KCNG1: variants seen among roughly 807,000 people sequenced by gnomAD.
The protein encoded by KCNG1 is voltage-gated potassium channel regulatory subunit KCNG1.
KCNG1 carries 17 observed loss-of-function variants against 32.4 expected under a neutral mutation model. The observed-to-expected ratio is 0.52, with a 90% CI of 0.36 to 0.79. KCNG1 has a LOEUF of 0.79. Among genes scored for constraint, KCNG1 ranks in the 30% least tolerant of loss-of-function variants. The pLI, the probability that KCNG1 is intolerant of heterozygous loss-of-function variation, is 0.00. For synonymous variants in KCNG1, 358 were observed against 339.9 expected, an observed-to-expected ratio of 1.05 and a Z score of -0.59; for missense variants, 441 against 735.2, an observed-to-expected ratio of 0.60 and a Z score of 4.63.
In KCNG1 at chr20:51,010,225, C is replaced by A; in HGVS notation, c.114G>T (p.Ala38=). Residue 38 remains alanine, a synonymous_variant, in exon 2 of 3, where the codon GCG becomes GCT. Transcript: ENST00000371571. ...FLPQRQAIKG[A]FYRRAQRLRP... ...GCAGCCGCTGCGCCCGGCGGTAGAA[C>A]GCGCCCTTGATGGCCTGGCGCTGCG... 1 of 1,568,690 alleles carries A rather than the reference C, an allele frequency of 6.4e-7. No individual in the cohort carries two copies. Among genetic ancestry groups the A allele is most frequent in the Non-Finnish European group, 8.6e-7 (1 of 1,162,196 alleles).
At chr20:51,006,660 G>T in intron 2 of KCNG1, 1 of 152,320 alleles carries the variant, frequency 6.6e-6, no homozygotes. Flanking sequence ...AGCCTCCCGA[G>T]TAGCTGGGAT....
chr20:51,020,044 AG>A (rs1222561729), intron 1 of KCNG1, among the ~76,000 whole-genome samples: 2 of 151,996 alleles, frequency 1.3e-5, no homozygotes. Context: ...GTTCCTGGGG[AG>A]ATTGTGTGCT....
At position 51,009,725 on chromosome 20, in the gene KCNG1, C is replaced by T. The variant is rs368678625; in HGVS notation, c.614G>A (p.Arg205His). Residue 205 changes from arginine (R) to histidine (H), a missense_variant, in exon 2 of 3, where the codon CGC (arginine) becomes CAC (histidine). This residue lies in a region of KCNG1 where 52 missense variants were observed against 50.3 expected (regional missense o/e 1.03). Coordinates refer to ENST00000371571, the MANE Select transcript of KCNG1 (RefSeq NM_002237.4). ...CAGTCGCCGCATGCAGCGCCCCAGG[C>T]GGCCCTCGCCCTCGGCCGGGCCCTC... ...DSEGPAEGEG[R>H]LGRCMRRLRD... 5.0e-5 allele frequency: 80 copies of T among 1,605,104 alleles called. No homozygotes were observed. The highest frequency in any genetic ancestry group is 4.9e-4 in the Middle Eastern group (3 of 6,064).
intron 2 of KCNG1, among the ~76,000 whole-genome samples, chr20:51,007,479 C>G (rs1290166287): frequency 3.3e-5 from 5 of 152,100 alleles, no homozygotes; most frequent in African/African-American, 1.2e-4. Flanking sequence ...AGCCACCACA[C>G]GTGGCCTAAA....
chr20:51,017,468 A>C (rs1337349422), intron 1 of KCNG1, among the ~76,000 whole-genome samples: 2 of 152,238 alleles, frequency 1.3e-5, no homozygotes, highest in Non-Finnish European at 2.9e-5. Context: ...AACAAAGAAG[A>C]AAAATGAGTA....
chr20:51,006,312 G>C (rs2123212326), intron 2 of KCNG1: 1 of 152,314 alleles, frequency 6.6e-6, no homozygotes, highest in East Asian at 1.9e-4. Flanking sequence ...AGTATCAGAA[G>C]TTGAACAAAA....
Position 51,023,100 on chromosome 20 carries a change from C to G in KCNG1, c.-257G>C, listed in dbSNP as rs1988543109. 6.6e-6 allele frequency: 1 copy of G among 152,188 alleles called. No individual in the cohort carries two copies. Among genetic ancestry groups the G allele is most frequent in the South Asian group, 2.1e-4 (1 of 4,836 alleles). The allele number at this position is 152,188 out of a possible 1,614,324, so 9.4% of individuals were successfully genotyped here. A position where few individuals can be genotyped will look rare whatever the true frequency, so the allele number is the denominator to read the frequency against. On this transcript the variant is annotated 5_prime_UTR_variant, in exon 1 of 3. Transcript: ENST00000371571. ...TCTGCCTCCCGGTCCCCGCCGGGCT[C>G]CGAGTGCGCCGGGAGCGCGGCGCAG...
At position 51,010,826 on chromosome 20, in the gene KCNG1, C is replaced by T. The variant is rs530925435; in HGVS notation, c.-26-462G>A. Among the ~76,000 whole-genome samples, 26 of 151,348 alleles carry T rather than the reference C, an allele frequency of 1.7e-4. No homozygotes were observed. In the South Asian group the frequency reaches 5.2e-3, roughly 30 times the overall value. On this transcript the variant is annotated intron_variant, in intron 1 of 2. Transcript: ENST00000371571. ...ATGAGAATCGCTTGAACATGGGAGGCGAAGGTTGCAGTGAGCCGAGATCAT... is the reference window on the plus strand; with the variant it reads ...ATGAGAATCGCTTGAACATGGGAGGTGAAGGTTGCAGTGAGCCGAGATCAT...
intron 1 of KCNG1, among the ~76,000 whole-genome samples, chr20:51,014,908 G>C (rs1168418337): frequency 8.5e-5 from 13 of 152,174 alleles, no homozygotes. Flanking sequence ...GCAAGAATTT[G>C]CTCCCTGACT....
Position 51,003,924 on chromosome 20 carries a change from T to A in KCNG1, c.*115A>T, listed in dbSNP as rs913501808. ...GTGTCCTTCCCCGGGTGCGTGGGAGTCGGTGCTGCGCCAGGACTGCACTCG... is the reference window on the plus strand; with the variant it reads ...GTGTCCTTCCCCGGGTGCGTGGGAGACGGTGCTGCGCCAGGACTGCACTCG... On this transcript the variant is annotated 3_prime_UTR_variant, in exon 3 of 3. Coordinates refer to ENST00000371571, the MANE Select transcript of KCNG1 (RefSeq NM_002237.4). 1.7e-6 allele frequency: 2 copies of A among 1,172,208 alleles called. No homozygotes were observed. The highest frequency in any genetic ancestry group is 2.4e-6 in the Non-Finnish European group (2 of 837,838). The allele number at this position is 1,172,208 out of a possible 1,614,324, so 72.6% of individuals were successfully genotyped here. A position where few individuals can be genotyped will look rare whatever the true frequency, so the allele number is the denominator to read the frequency against.
intron 1 of KCNG1, among the ~76,000 whole-genome samples, chr20:51,020,126 T>C (rs917589786): frequency 6.6e-6 from 1 of 152,068 alleles, no homozygotes; most frequent in Admixed American, 6.5e-5. Context: ...CCCTCCCCCC[T>C]ATAAAAAAGA....
At chr20:51,007,433 G>A (rs906486058) in intron 2 of KCNG1, among the ~76,000 whole-genome samples, 3 of 152,022 alleles carry the variant, frequency 2.0e-5, no homozygotes, top group East Asian at 1.9e-4. Context: ...TGATCCACCC[G>A]CCTCAGCCTC....
rs1987995436 is a variant in KCNG1, at chr20:51,009,830, A to C, written c.509T>G (p.Leu170Arg). ...CTCCGCGAACTCCTCAATCTTCTGC[A>C]GGTAGCGGCGCTTGCAGCAGCCGTC... ...HLDGCCKRRY[L>R]QKIEEFAEMV... The change falls in exon 2 of 3, where the codon CTG becomes CGG. Residue 170 changes from leucine (L) to arginine (R), a missense_variant. Coordinates refer to ENST00000371571, the MANE Select transcript of KCNG1 (RefSeq NM_002237.4). 1 of 1,613,220 alleles carries C rather than the reference A, an allele frequency of 6.2e-7. No homozygotes were observed. The highest frequency in any genetic ancestry group is 2.2e-5 in the East Asian group (1 of 44,880).
chr20:51,004,129 G>C lies in KCNG1; in HGVS notation c.1452C>G (p.Phe484Leu). The part of the protein sequence containing the change: ...QERVMFRRAQ[F>L]LIKTKSQLSV... ...TCAGCTGCGACTTGGTTTTGATGAG[G>C]AACTGCGCCCTCCGGAACATCACCC... is the stretch of plus-strand genomic sequence containing the variant. The change falls in exon 3 of 3, where the codon TTC becomes TTG. Residue 484 changes from phenylalanine (F) to leucine (L), a missense_variant. By Grantham distance (22) the Phe-to-Leu change is conservative. Coordinates refer to ENST00000371571, the MANE Select transcript of KCNG1 (RefSeq NM_002237.4). The surrounding 1 kb of genome is among the most constrained non-coding windows in gnomAD (Gnocchi z 4.3). The C allele has an allele frequency of 6.2e-7, 1 of 1,614,206 alleles. No homozygotes were observed. The highest frequency in any genetic ancestry group is 8.5e-7 in the Non-Finnish European group (1 of 1,180,040).
chr20:51,015,424 C>T lies in KCNG1; in HGVS notation c.-26-5060G>A, dbSNP rs572630039. On this transcript the variant is annotated intron_variant, in intron 1 of 2. Transcript: ENST00000371571. The surrounding 1 kb of genome is among the most constrained non-coding windows in gnomAD (Gnocchi z 4.4). ...GGGGGAGATGGGTGTCTCCCAAGGACGGTGCCAGACCATCAATGCTGAGCT... is the reference window on the plus strand; with the variant it reads ...GGGGGAGATGGGTGTCTCCCAAGGATGGTGCCAGACCATCAATGCTGAGCT... 1.6e-4 allele frequency among the ~76,000 whole-genome samples: 25 copies of T among 152,218 alleles called. No homozygotes were observed. Among genetic ancestry groups the T allele is most frequent in the African/African-American group, 4.3e-4 (18 of 41,532 alleles).
At position 51,005,908 on chromosome 20, in the gene KCNG1, C is replaced by T. The variant is rs1987808674; in HGVS notation, c.775-1102G>A. Reference sequence around the variant, plus strand: ...AGAGGCTGGAGATATGAACTAATACCTGGTGGGGCTTTAAGGTCTTAGACC... The same window carrying T: ...AGAGGCTGGAGATATGAACTAATACTTGGTGGGGCTTTAAGGTCTTAGACC... On this transcript the variant is annotated intron_variant, in intron 2 of 2. Coordinates refer to ENST00000371571, the MANE Select transcript of KCNG1 (RefSeq NM_002237.4). The surrounding 1 kb of genome is among the most constrained non-coding windows in gnomAD (Gnocchi z 4.0). 1 of 152,234 alleles carries T rather than the reference C, an allele frequency of 6.6e-6. No individual in the cohort carries two copies. Among genetic ancestry groups the T allele is most frequent in the Non-Finnish European group, 1.5e-5 (1 of 68,058 alleles). 9.4% of individuals were successfully genotyped at this position (152,234 alleles called of 1,614,324 possible). A position where few individuals can be genotyped will look rare whatever the true frequency, so the allele number is the denominator to read the frequency against.
At chr20:51,007,046 C>G (rs1299756778) in intron 2 of KCNG1, 1 of 152,262 alleles carries the variant, frequency 6.6e-6, no homozygotes, top group Non-Finnish European at 1.5e-5. Context: ...ACCCTTCATG[C>G]TTATTGAAAG....
intron 1 of KCNG1, among the ~76,000 whole-genome samples, chr20:51,021,725 C>A (rs1988491547): frequency 6.6e-6 from 1 of 152,110 alleles, no homozygotes; most frequent in African/African-American, 2.4e-5. Context: ...TGGTGCCTGG[C>A]ACCCTTTAAG....
At chr20:51,018,310 T>C (rs759933929) in intron 1 of KCNG1, among the ~76,000 whole-genome samples, 3 of 152,156 alleles carry the variant, frequency 2.0e-5, no homozygotes, top group Admixed American at 1.3e-4. Context: ...GGGGATAAGA[T>C]TGCTGACCTC....
Sources: gnomAD v4.1 joint callset for allele counts (sites outside exome capture counted in the v4.1 genomes callset) on GRCh38, gnomAD v4.1.1 for gene constraint, gnomAD v4.1.1 regional missense constraint, Gnocchi (gnomAD v3.1) non-coding constraint, MANE v1.5 for transcripts, NCBI Gene and HGNC (gene_info 2026-07-23, HGNC 2026-07-21) for gene names.